TMPRSS9: variants seen among roughly 807,000 people sequenced by gnomAD.
TMPRSS9 encodes the protein transmembrane protease serine 9.
Under a neutral mutation model 111.4 loss-of-function variants are expected in TMPRSS9, and 113 were observed. The observed-to-expected ratio is 1.01, with a 90% CI of 0.87 to 1.19. The LOEUF (loss-of-function observed/expected upper bound fraction) is 1.19. Among genes scored for constraint, TMPRSS9 ranks in the 50% most tolerant of loss-of-function variants. TMPRSS9 has a pLI of 0.00. For missense variants in TMPRSS9, 1,803 were observed against 1,513.1 expected (o/e 1.19, Z -3.18); for synonymous variants, 805 against 659.1 (o/e 1.22, Z -3.39).
At chr19:2,403,751 T>C (rs538288221) in intron 6 of TMPRSS9, among the ~76,000 whole-genome samples, 1 of 151,528 alleles carries the variant, frequency 6.6e-6, no homozygotes, top group African/African-American at 2.4e-5. Context: ...CCCAGCACTT[T>C]GGGAGGCTGA....
intron 1 of TMPRSS9, among the ~76,000 whole-genome samples, chr19:2,377,377 C>T (rs560474976): frequency 6.8e-6 from 1 of 146,558 alleles, no homozygotes; most frequent in Admixed American, 6.9e-5. Context: ...TCAAGCAGTC[C>T]TTCTGCCTCA....
intron 9 of TMPRSS9, 34 bp downstream of exon 10, chr19:2,410,428 A>G: frequency 6.2e-7 from 1 of 1,610,254 alleles, no homozygotes; most frequent in Non-Finnish European, 8.5e-7. Context: ...CCAGAAAAAC[A>G]CAGAAATAGA....
In TMPRSS9 at chr19:2,422,257, G is replaced by C. The variant is rs370661568; in HGVS notation, c.2548+10G>C. 26 of 1,497,980 alleles carry C rather than the reference G, an allele frequency of 1.7e-5. No individual in the cohort carries two copies. The highest frequency in any genetic ancestry group is 2.3e-5 in the Non-Finnish European group (26 of 1,128,898). 92.8% of individuals were successfully genotyped at this position (1,497,980 alleles called of 1,614,324 possible). ...CACACCCAGCTACCAGGTACCGGGAGAGACGGAGGGATCCCTGGGAGTGGA... is the reference window on the plus strand; with the variant it reads ...CACACCCAGCTACCAGGTACCGGGACAGACGGAGGGATCCCTGGGAGTGGA... On this transcript the variant is annotated intron_variant, in intron 14 of 17. Transcript: ENST00000648592.
At chr19:2,402,004 G>C (rs369553503) in exon 5 of TMPRSS9, 2 of 1,611,564 alleles carry the variant, frequency 1.2e-6, no homozygotes, top group Non-Finnish European at 1.7e-6. Flanking sequence ...GGCAGAAAGA[G>C]ACTTCAAATC....
chr19:2,398,337 GTC>G (rs1300825350), intron 2 of TMPRSS9, among the ~76,000 whole-genome samples: 2 of 151,296 alleles, frequency 1.3e-5, no homozygotes, highest in Admixed American at 1.3e-4. Flanking sequence ...TAAAACATAA[GTC>G]TGGGCGTGGT....
At chr19:2,370,061 A>G (rs901671763) in intron 1 of TMPRSS9, among the ~76,000 whole-genome samples, 7 of 152,088 alleles carry the variant, frequency 4.6e-5, no homozygotes, top group African/African-American at 1.7e-4. Flanking sequence ...TACAAAAATT[A>G]GCCGGGCATG....
chr19:2,389,979 G>A, intron 1 of TMPRSS9, 52 bp downstream of exon 2: 1 of 1,573,882 alleles, frequency 6.4e-7, no homozygotes. Context: ...CATGTGCAAA[G>A]TCACCGGGAA....
intron 6 of TMPRSS9, 139 bp from the exon 8 acceptor site, chr19:2,405,235 A>T: frequency 9.4e-7 from 1 of 1,064,506 alleles, no homozygotes; most frequent in Non-Finnish European, 1.3e-6. Context: ...CAGAAGAGTC[A>T]GGGAAGCCAA....
At chr19:2,421,136 G>A (rs1455608930) in intron 13 of TMPRSS9, among the ~76,000 whole-genome samples, 1 of 151,766 alleles carries the variant, frequency 6.6e-6, no homozygotes, top group Non-Finnish European at 1.5e-5. Context: ...AACCCAGGAG[G>A]TGGAGGTTGC....
At chr19:2,363,807 T>TGTGTGTGC (rs1555763793) in intron 1 of TMPRSS9, among the ~76,000 whole-genome samples, 7 of 106,028 alleles carry the variant, frequency 6.6e-5, no homozygotes, top group African/African-American at 4.7e-5. Flanking sequence ...TGTGTGTGCG[T>TGTGTGTGC]GCGCGCGTGT....
rs1482076613 is a variant in TMPRSS9, at chr19:2,416,647, A to C, written c.1855A>C (p.Asn619His). ...GCGGGTAGTGCTGCACCCCCTCTAC[A>C]ACCCTGGCATCCTGGACTTCGACCT... Residue 619 changes from asparagine (N) to histidine (H), a missense_variant, in exon 12 of 18, where the codon AAC (asparagine) becomes CAC (histidine). Coordinates refer to ENST00000648592, the Ensembl canonical transcript of TMPRSS9. The C allele has an allele frequency of 6.2e-7, 1 of 1,612,940 alleles. No homozygotes were observed. Among genetic ancestry groups the C allele is most frequent in the Admixed American group, 1.7e-5 (1 of 60,002 alleles).
At chr19:2,379,844 C>T (rs772462336) in intron 1 of TMPRSS9, among the ~76,000 whole-genome samples, 3 of 151,324 alleles carry the variant, frequency 2.0e-5, no homozygotes, top group Non-Finnish European at 4.4e-5. Context: ...GTAGTCTCGA[C>T]CTCCTTGGCT....
At chr19:2,395,611 C>T (rs1970689251) in intron 1 of TMPRSS9, among the ~76,000 whole-genome samples, 2 of 151,850 alleles carry the variant, frequency 1.3e-5, no homozygotes, top group Admixed American at 6.6e-5. Flanking sequence ...ACTCCGGAGG[C>T]TGAGGCGGCA....
At chr19:2,361,275 G>T (rs1970194825) in intron 1 of TMPRSS9, among the ~76,000 whole-genome samples, 1 of 97,368 alleles carries the variant, frequency 1.0e-5, no homozygotes, top group South Asian at 3.9e-4. Context: ...GGGATGGGGT[G>T]GGGTGCTGGG....
At chr19:2,395,673 C>T (rs1310575363) in intron 1 of TMPRSS9, among the ~76,000 whole-genome samples, 1 of 151,790 alleles carries the variant, frequency 6.6e-6, no homozygotes, top group Admixed American at 6.6e-5. Context: ...CGAGATCATG[C>T]CATTGCACTC....
At chr19:2,417,492 T>G (rs1186055746) in intron 12 of TMPRSS9, among the ~76,000 whole-genome samples, 1 of 136,642 alleles carries the variant, frequency 7.3e-6, no homozygotes, top group African/African-American at 2.8e-5. Flanking sequence ...AATAGAAAAA[T>G]AAAAAATTAG....
At chr19:2,396,287 G>T (rs1970704725) in intron 1 of TMPRSS9, 2 of 432,282 alleles carry the variant, frequency 4.6e-6, no homozygotes, top group African/African-American at 2.0e-5. Flanking sequence ...TCCACCTTGT[G>T]CTGTACCTGG....
upstream of TMPRSS9, among the ~76,000 whole-genome samples, chr19:2,384,886 G>A (rs1180074037): frequency 6.7e-6 from 1 of 150,366 alleles, no homozygotes; most frequent in Non-Finnish European, 1.5e-5. Flanking sequence ...GGAAGCTGAG[G>A]CAGGAGAATT....
rs528830028 is a variant in TMPRSS9 at position 2,422,235 on chromosome 19, A to C, written c.2536A>C (p.Thr846Pro). ...AGACGCCCCGGAGGCCACCACACAC[A>C]CCCAGCTACCAGGTACCGGGAGAGA... The change falls in exon 14 of 18, where the codon ACC (threonine) becomes CCC (proline). Residue 846 changes from threonine to proline, a missense_variant. Coordinates refer to ENST00000648592, the Ensembl canonical transcript of TMPRSS9. 1.2e-5 allele frequency: 18 copies of C among 1,506,526 alleles called. No individual in the cohort carries two copies. In the Admixed American group the frequency reaches 3.5e-4, roughly 30 times the overall value. 93.3% of individuals were successfully genotyped at this position (1,506,526 alleles called of 1,614,324 possible).
Sources: allele counts gnomAD v4.1 joint callset (sites outside exome capture counted in the v4.1 genomes callset), GRCh38; gene constraint gnomAD v4.1.1; transcripts MANE v1.5; gene names NCBI Gene and HGNC (gene_info 2026-07-23, HGNC 2026-07-21).